The following ACSL4 variants were observed in gnomAD, a reference collection of about 807,000 sequenced individuals.
ACSL4 encodes the protein acyl-CoA synthetase long chain family member 4.
ACSL4 carries 9 observed loss-of-function variants against 49.1 expected under a neutral mutation model. The observed-to-expected ratio is 0.18, with a 90% confidence interval of 0.11 to 0.32. The LOEUF is 0.32. ACSL4 is among the 10% of genes least tolerant of loss of function. ACSL4 has a pLI of 1.00. For synonymous variants in ACSL4, 191 were observed against 170.3 expected (o/e 1.12, Z -0.95); for missense variants, 333 against 493.7 (o/e 0.67, Z 3.08).
At chrX:109,689,712 T>C (rs978089008) in intron 2 of ACSL4, among the ~76,000 whole-genome samples, 12 of 112,222 alleles carry the variant, frequency 1.1e-4, no homozygotes, top group Non-Finnish European at 2.1e-4. Flanking sequence ...GCCAACTTCT[T>C]TTAAAATTGT....
chrX:109,670,970 G>A (rs1168155948), intron 9 of ACSL4, among the ~76,000 whole-genome samples: 1 of 112,100 alleles, frequency 8.9e-6, no homozygotes, highest in Non-Finnish European at 1.9e-5. Flanking sequence ...GATCTCGGCT[G>A]GCTACAACCT....
intron 1 of ACSL4, among the ~76,000 whole-genome samples, chrX:109,729,329 C>A (rs1363226913): frequency 9.0e-6 from 1 of 111,493 alleles, no homozygotes; most frequent in Non-Finnish European, 1.9e-5. Context: ...GGCAAATAAA[C>A]ACATGGAAAA....
chrX:109,660,407 A>C (rs1410810631), intron 14 of ACSL4, among the ~76,000 whole-genome samples: 2 of 112,047 alleles, frequency 1.8e-5, no homozygotes, highest in Non-Finnish European at 3.8e-5. Flanking sequence ...CACATCCATG[A>C]GGATGACTAC....
chrX:109,690,768 G>T (rs1332867041), intron 2 of ACSL4, among the ~76,000 whole-genome samples: 4 of 96,742 alleles, frequency 4.1e-5, no homozygotes, highest in East Asian at 3.9e-4. Flanking sequence ...AGGGGGGGGG[G>T]GCCTCTATAG....
intron 1 of ACSL4, among the ~76,000 whole-genome samples, chrX:109,698,207 C>CA (rs1267903877): frequency 1.8e-5 from 2 of 111,111 alleles, no homozygotes; most frequent in African/African-American, 3.3e-5. Context: ...TCTTTCATCA[C>CA]AAAAAAATGA....
chrX:109,645,041 A>G (rs369985608), intron 15 of ACSL4, among the ~76,000 whole-genome samples: 1 of 112,812 alleles, frequency 8.9e-6, no homozygotes, highest in Non-Finnish European at 1.9e-5. Context: ...AGTCTCGCTG[A>G]TTGCTAGCAC....
intron 15 of ACSL4, among the ~76,000 whole-genome samples, chrX:109,645,875 G>A (rs1287470380): frequency 2.7e-5 from 3 of 112,527 alleles, no homozygotes; most frequent in East Asian, 2.8e-4. Flanking sequence ...CGTGAAGAAT[G>A]CAGAAGCCTC....
At position 109,647,125 on chromosome X, in the gene ACSL4, G is replaced by C. The variant is rs1186395813; in HGVS notation, c.1856-2939C>G. ...ATTAGACAGATCAACGAGACAGAAA[G>C]TCAACAAGGATACCCAGGAATTGAA... On this transcript the variant is annotated intron_variant, in intron 15 of 15. Coordinates refer to ENST00000672401, the MANE Select transcript of ACSL4 (RefSeq NM_001318510.2). Among the ~76,000 whole-genome samples the C allele has an allele frequency of 1.1e-4, 12 of 110,903 alleles. 1 individual carries two copies. Among genetic ancestry groups the C allele is most frequent in the African/African-American group, 3.9e-4 (12 of 30,504 alleles).
chrX:109,688,060 G>A (rs1370323974), intron 2 of ACSL4, among the ~76,000 whole-genome samples: 1 of 111,772 alleles, frequency 8.9e-6, no homozygotes, highest in Non-Finnish European at 1.9e-5. Flanking sequence ...AGACCACACC[G>A]CACTAGTCCA....
intron 15 of ACSL4, among the ~76,000 whole-genome samples, chrX:109,647,867 A>G (rs1392450257): frequency 4.5e-5 from 5 of 111,502 alleles, no homozygotes; most frequent in African/African-American, 1.6e-4. Flanking sequence ...ACAGAAATAC[A>G]AACTACCATC....
At chrX:109,656,038 GA>G (rs1381448452) in intron 15 of ACSL4, among the ~76,000 whole-genome samples, 2 of 110,938 alleles carry the variant, frequency 1.8e-5, no homozygotes, top group Admixed American at 1.9e-4. Flanking sequence ...AGTAAACCAG[GA>G]AAGAGACAGA....
At chrX:109,681,396 C>T in intron 4 of ACSL4, 21 bp from the exon 5 acceptor site, 1 of 1,059,553 alleles carries the variant, frequency 9.4e-7, no homozygotes, top group Non-Finnish European at 1.3e-6. Flanking sequence ...AAAATAAACA[C>T]AAATATTAAG....
chrX:109,729,220 A>C (rs1043295779), intron 1 of ACSL4, among the ~76,000 whole-genome samples: 8 of 111,397 alleles, frequency 7.2e-5, no homozygotes, highest in Non-Finnish European at 1.3e-4. Context: ...TCTCAAAAAA[A>C]TAATAAAAAA....
At chrX:109,692,552 G>A (rs1187597002) in intron 2 of ACSL4, among the ~76,000 whole-genome samples, 1 of 111,695 alleles carries the variant, frequency 9.0e-6, no homozygotes, top group African/African-American at 3.2e-5. Context: ...CTAAGTTCTG[G>A]GTGATATGTG....
Position 109,726,885 on chromosome X carries a change from T to G in ACSL4, c.-66+6254A>C, listed in dbSNP as rs775130753. On this transcript the variant is annotated intron_variant, in intron 1 of 15. Coordinates refer to ENST00000672401, the MANE Select transcript of ACSL4 (RefSeq NM_001318510.2). ...GTTGTTGTTGTTGTTGTTTTGTTTT[T>G]TTTGTTTTTTTTTTAGAGACAGGGT... Among the ~76,000 whole-genome samples, 17 of 108,330 alleles carry G rather than the reference T, an allele frequency of 1.6e-4. 1 individual carries two copies. The East Asian group carries it at 5.0e-3, about 32-fold the overall frequency. 94.1% of individuals were successfully genotyped at this position (108,330 alleles called of 115,157 possible).
At chrX:109,724,675 G>A (rs1235972456) in intron 1 of ACSL4, among the ~76,000 whole-genome samples, 3 of 110,748 alleles carry the variant, frequency 2.7e-5, no homozygotes, top group African/African-American at 9.8e-5. Flanking sequence ...ACTTTGGGAA[G>A]CTGAGGCAGG....
intron 8 of ACSL4, 29 bp downstream of exon 8, chrX:109,677,937 CAAACCATGCAGCATCATACGAT>C: frequency 8.3e-7 from 1 of 1,205,412 alleles, no homozygotes; most frequent in Non-Finnish European, 1.1e-6. Flanking sequence ...TGTTCTCAGC[CAAACCATGCAGCATCATACGAT>C]CATGCCAATA....
intron 14 of ACSL4, among the ~76,000 whole-genome samples, chrX:109,660,776 G>A (rs1251302158): frequency 9.0e-6 from 1 of 111,722 alleles, no homozygotes; most frequent in Non-Finnish European, 1.9e-5. Context: ...TCTGACATAT[G>A]CTACAACATG....
chrX:109,694,948 C>T (rs184821525), intron 2 of ACSL4, among the ~76,000 whole-genome samples: 2 of 111,839 alleles, frequency 1.8e-5, no homozygotes, highest in East Asian at 2.8e-4. Flanking sequence ...CAGAAATACA[C>T]GCAAATCAGT....
Sources: allele counts gnomAD v4.1 joint callset (sites outside exome capture counted in the v4.1 genomes callset), GRCh38; gene constraint gnomAD v4.1.1; transcripts MANE v1.5; gene names NCBI Gene and HGNC (gene_info 2026-07-23, HGNC 2026-07-21).